Variants in HDX observed in about 807,000 individuals in gnomAD.
HDX encodes the protein chromosome X open reading frame 43.
Under a neutral mutation model 45.2 loss-of-function variants are expected in HDX, and 19 were observed. That is an observed-to-expected ratio of 0.42 (90% CI 0.29 to 0.62). HDX has a LOEUF of 0.62. HDX is among the 20% of genes least tolerant of loss of function. The pLI is 0.20. For missense variants in HDX, 532 were observed against 493.9 expected (o/e 1.08, Z -0.73); for synonymous variants, 188 against 172.8 (o/e 1.09, Z -0.69).
At chrX:84,332,200 A>AG (rs1448095229) in intron 9 of HDX, among the ~76,000 whole-genome samples, 1 of 111,366 alleles carries the variant, frequency 9.0e-6, no homozygotes, top group Non-Finnish European at 1.9e-5. Flanking sequence ...GAGTTGAAAA[A>AG]TTTTAAAATC....
intron 5 of HDX, among the ~76,000 whole-genome samples, chrX:84,434,581 T>C (rs1371914891): frequency 2.7e-5 from 3 of 111,430 alleles, no homozygotes; most frequent in Non-Finnish European, 5.7e-5. Flanking sequence ...TAGTTTTTTA[T>C]TGAGGATTTT....
At chrX:84,458,710 T>G (rs5968332) in intron 4 of HDX, among the ~76,000 whole-genome samples, 47,845 of 110,102 alleles carry the variant, frequency 0.43, 7,716 homozygotes, top group African/African-American at 0.56. Context: ...ATGCTTATCA[T>G]GTACCCACAC....
At chrX:84,383,081 G>T (rs991622814) in intron 5 of HDX, among the ~76,000 whole-genome samples, 1 of 111,018 alleles carries the variant, frequency 9.0e-6, no homozygotes, top group East Asian at 2.8e-4. Context: ...TAAAATTAAC[G>T]TGTAGTATAT....
chrX:84,344,134 A>G, intron 7 of HDX, 116 bp downstream of exon 7: 3 of 516,711 alleles, frequency 5.8e-6, no homozygotes, highest in Non-Finnish European at 9.6e-6. Flanking sequence ...ATTGTTTCAA[A>G]TACTTGGCCA....
intron 5 of HDX, among the ~76,000 whole-genome samples, chrX:84,420,624 A>C (rs1346033198): frequency 8.9e-6 from 1 of 111,744 alleles, no homozygotes; most frequent in African/African-American, 3.3e-5. Context: ...AGATATCAAT[A>C]TCCAAGTGCA....
At chrX:84,344,532 T>A in intron 6 of HDX, 75 bp from the exon 7 acceptor site, 1 of 646,073 alleles carries the variant, frequency 1.5e-6, no homozygotes, top group Non-Finnish European at 2.5e-6. Context: ...AAATAATGAA[T>A]GAATGCTGCA....
intron 4 of HDX, among the ~76,000 whole-genome samples, chrX:84,448,689 C>CTGTT (rs2039927504): frequency 9.1e-6 from 1 of 109,650 alleles, no homozygotes; most frequent in African/African-American, 3.3e-5. Flanking sequence ...GAAGAGGCAA[C>CTGTT]TGTTATACCA....
intron 9 of HDX, 142 bp from the exon 10 acceptor site, chrX:84,326,442 G>T (rs746973486): frequency 4.6e-6 from 2 of 432,178 alleles, no homozygotes; most frequent in Non-Finnish European, 7.7e-6. Context: ...GGAATACAAA[G>T]CATGGAAGAA....
intron 5 of HDX, among the ~76,000 whole-genome samples, chrX:84,431,855 T>C (rs1391057039): frequency 9.0e-6 from 1 of 111,507 alleles, no homozygotes; most frequent in East Asian, 2.8e-4. Flanking sequence ...GTCCCATTTG[T>C]TAATTTTTGG....
At chrX:84,375,654 A>G (rs894577675) in intron 5 of HDX, among the ~76,000 whole-genome samples, 15 of 110,007 alleles carry the variant, frequency 1.4e-4, no homozygotes, top group Non-Finnish European at 1.7e-4. Flanking sequence ...ACAAAAAACC[A>G]AACACCGCAT....
chrX:84,460,313 C>T (rs1186683668), intron 4 of HDX, among the ~76,000 whole-genome samples: 2 of 111,559 alleles, frequency 1.8e-5, no homozygotes, highest in Non-Finnish European at 3.8e-5. Context: ...GCAAATCGAT[C>T]ATAAGAACAG....
At chrX:84,432,597 G>T (rs1733969960) in intron 5 of HDX, among the ~76,000 whole-genome samples, 1 of 111,252 alleles carries the variant, frequency 9.0e-6, no homozygotes, top group South Asian at 3.8e-4. Flanking sequence ...ATGTGAATGG[G>T]ATTGTGTTCC....
intron 1 of HDX, chrX:84,500,009 C>G (rs1384141585): frequency 8.9e-6 from 1 of 111,774 alleles, no homozygotes; most frequent in Admixed American, 9.5e-5. Flanking sequence ...TACAATGTCA[C>G]CAAAGAGAAG....
intron 3 of HDX, among the ~76,000 whole-genome samples, chrX:84,473,787 C>G (rs1437996349): frequency 9.1e-6 from 1 of 109,558 alleles, no homozygotes; most frequent in Non-Finnish European, 1.9e-5. Flanking sequence ...AAAAAAAAAG[C>G]AGAGGAAATT....
intron 6 of HDX, among the ~76,000 whole-genome samples, chrX:84,349,403 ATGTG>A (rs58864600): frequency 0.26 from 17,887 of 68,110 alleles, 2,493 homozygotes; most frequent in Middle Eastern, 0.42. Flanking sequence ...ATATATATAT[ATGTG>A]TGTGTGTGTG....
At chrX:84,347,862 C>A (rs2037241994) in intron 6 of HDX, among the ~76,000 whole-genome samples, 2 of 111,140 alleles carry the variant, frequency 1.8e-5, no homozygotes, top group Admixed American at 1.9e-4. Context: ...CCCCCTCTGG[C>A]TTCTTTCAAG....
chrX:84,391,235 C>G (rs182555855), intron 5 of HDX, among the ~76,000 whole-genome samples: 1 of 111,806 alleles, frequency 8.9e-6, no homozygotes. Flanking sequence ...TCTCATTTAA[C>G]ATAATGGTCC....
intron 1 of HDX, among the ~76,000 whole-genome samples, chrX:84,489,650 C>G (rs1000414211): frequency 1.8e-5 from 2 of 112,076 alleles, no homozygotes; most frequent in African/African-American, 3.2e-5. Context: ...CTGCTTTGCT[C>G]TGCCTTAACC....
At chrX:84,500,077 C>G (rs1446989659) in intron 1 of HDX, 1 of 111,486 alleles carries the variant, frequency 9.0e-6, no homozygotes, top group African/African-American at 3.3e-5. Context: ...AGATTACAGA[C>G]AGAACCTCTT....
Sources: allele counts gnomAD v4.1 joint callset (sites outside exome capture counted in the v4.1 genomes callset), GRCh38; gene constraint gnomAD v4.1.1; transcripts MANE v1.5; gene names NCBI Gene and HGNC (gene_info 2026-07-23, HGNC 2026-07-21).